Variants in CCDC7 observed in about 807,000 individuals in gnomAD.
The protein encoded by CCDC7 is coiled-coil domain-containing protein 7.
Under a neutral mutation model 196.9 loss-of-function variants are expected in CCDC7, and 183 were observed. The ratio of observed to expected loss-of-function variants is 0.93; its 90% CI spans 0.82 to 1.05. The LOEUF (loss-of-function observed/expected upper bound fraction) is 1.05, where lower values mean the gene tolerates loss of function less well. CCDC7 is among the 50% of genes least tolerant of loss of function. The pLI, the probability that CCDC7 is intolerant of heterozygous loss-of-function variation, is 0.00. For synonymous variants in CCDC7, 525 were observed against 484.6 expected, an observed-to-expected ratio of 1.08 and a Z score of -1.10; for missense variants, 1,540 against 1,482.2, an observed-to-expected ratio of 1.04 and a Z score of -0.64.
intron 22 of CCDC7, among the ~76,000 whole-genome samples, chr10:32,882,445 G>C (rs899792111): frequency 6.6e-6 from 1 of 152,164 alleles, no homozygotes; most frequent in African/African-American, 2.4e-5. Flanking sequence ...GAGAAGCCTA[G>C]CTAAAGTTTG....
At chr10:32,835,580 G>A (rs1365145742) in intron 33 of CCDC7, among the ~76,000 whole-genome samples, 1 of 152,062 alleles carries the variant, frequency 6.6e-6, no homozygotes, top group Non-Finnish European at 1.5e-5. Flanking sequence ...AACTAACACA[G>A]GAATAGTAAA....
chr10:32,804,872 C>G, intron 29 of CCDC7, 143 bp from the exon 31 acceptor site: 1 of 584,292 alleles, frequency 1.7e-6, no homozygotes, highest in Non-Finnish European at 3.1e-6. Context: ...AGTGATTTGG[C>G]AATTCAGACA....
intron 11 of CCDC7, among the ~76,000 whole-genome samples, chr10:32,528,377 C>G (rs1037615800): frequency 6.6e-6 from 1 of 151,630 alleles, no homozygotes; most frequent in African/African-American, 2.4e-5. Flanking sequence ...GTACACTGTA[C>G]CCAATGTATA....
At chr10:32,721,127 C>T (rs1458654400) in intron 25 of CCDC7, among the ~76,000 whole-genome samples, 2 of 151,984 alleles carry the variant, frequency 1.3e-5, no homozygotes, top group Non-Finnish European at 2.9e-5. Flanking sequence ...ATACTGTGAA[C>T]TAATATGTAA....
intron 28 of CCDC7, among the ~76,000 whole-genome samples, chr10:32,771,592 C>T (rs950708878): frequency 6.6e-6 from 1 of 152,302 alleles, no homozygotes; most frequent in Admixed American, 6.5e-5. Flanking sequence ...TGCCACATTC[C>T]AGGCTGCTGA....
At chr10:32,845,786 CACACACACAT>C in intron 35 of CCDC7, 80 bp from the exon 37 acceptor site, 6 of 1,125,672 alleles carry the variant, frequency 5.3e-6, no homozygotes, top group South Asian at 1.3e-5. Context: ...CACACACACA[CACACACACAT>C]ACACACACAC....
intron 11 of CCDC7, among the ~76,000 whole-genome samples, chr10:32,539,650 G>A (rs11816298): frequency 0.053 from 8,059 of 152,084 alleles, 709 homozygotes; most frequent in African/African-American, 0.18. Flanking sequence ...TGGGCATTTA[G>A]TGTTATAAAC....
chr10:32,626,805 A>G (rs1449162960), intron 18 of CCDC7, among the ~76,000 whole-genome samples: 1 of 151,990 alleles, frequency 6.6e-6, no homozygotes, highest in Non-Finnish European at 1.5e-5. Flanking sequence ...TTCATTGAAG[A>G]CTATCCTTTC....
intron 32 of CCDC7, among the ~76,000 whole-genome samples, chr10:32,828,529 A>AAGAAGG (rs2091703455): frequency 6.6e-6 from 1 of 150,534 alleles, no homozygotes; most frequent in Admixed American, 6.6e-5. Context: ...GAAGAAGAAG[A>AAGAAGG]AGAAGAAGAA....
intron 20 of CCDC7, among the ~76,000 whole-genome samples, chr10:32,650,506 G>C (rs2068556036): frequency 6.6e-6 from 1 of 152,210 alleles, no homozygotes; most frequent in African/African-American, 2.4e-5. Context: ...TGTGGTGATG[G>C]TGGTTAGATC....
At chr10:32,559,422 C>T (rs941242713) in intron 13 of CCDC7, among the ~76,000 whole-genome samples, 11 of 152,342 alleles carry the variant, frequency 7.2e-5, no homozygotes, top group East Asian at 3.9e-4. Flanking sequence ...GGAGGCACCC[C>T]CCAGTAGGGG....
chr10:32,724,144 A>T (rs1307528812), intron 25 of CCDC7, among the ~76,000 whole-genome samples: 1 of 151,992 alleles, frequency 6.6e-6, no homozygotes, highest in Non-Finnish European at 1.5e-5. Context: ...CCCCAAAAGC[A>T]CTCCCAGGGC....
chr10:32,542,633 C>CAAAAA (rs11375465), intron 11 of CCDC7, among the ~76,000 whole-genome samples: 34 of 87,794 alleles, frequency 3.9e-4, no homozygotes, highest in African/African-American at 9.5e-4. Context: ...ACTCCCATCT[C>CAAAAA]AAAAAAAAAA....
At position 32,476,753 on chromosome 10, in the gene CCDC7, C is replaced by G. The variant is rs961812448; in HGVS notation, c.796+2730C>G. On this transcript the variant is annotated intron_variant, in intron 8 of 41. Transcript: ENST00000639629. ...GACAGTGTTTGGGCTTTTAGCCATTCTAATAGTTGTGTAGTGATTTTTCAT... is the reference window on the plus strand; with the variant it reads ...GACAGTGTTTGGGCTTTTAGCCATTGTAATAGTTGTGTAGTGATTTTTCAT... 7.2e-5 allele frequency among the ~76,000 whole-genome samples: 11 copies of G among 152,290 alleles called. No individual in the cohort carries two copies. In the East Asian group the frequency reaches 2.1e-3, roughly 29 times the overall value.
intron 18 of CCDC7, among the ~76,000 whole-genome samples, chr10:32,622,856 A>G (rs938212043): frequency 2.6e-5 from 4 of 152,268 alleles, no homozygotes; most frequent in Middle Eastern, 3.4e-3. Flanking sequence ...TTCTATGATA[A>G]TAAGTTTAAA....
chr10:32,751,636 A>T (rs1481939145), intron 28 of CCDC7, among the ~76,000 whole-genome samples: 1 of 152,186 alleles, frequency 6.6e-6, no homozygotes, highest in Non-Finnish European at 1.5e-5. Flanking sequence ...TATCCTGTAA[A>T]TCAAGACTGT....
chr10:32,855,189 T>A (rs1432510885), intron 41 of CCDC7, among the ~76,000 whole-genome samples: 1 of 146,828 alleles, frequency 6.8e-6, no homozygotes, highest in Non-Finnish European at 1.5e-5. Context: ...ATACTTTTTT[T>A]ACAGAAAAAT....
chr10:32,522,399 G>C (rs2048009765), intron 11 of CCDC7, among the ~76,000 whole-genome samples: 1 of 152,032 alleles, frequency 6.6e-6, no homozygotes, highest in African/African-American at 2.4e-5. Context: ...TTCAATTTTG[G>C]TAGGTTATAT....
At chr10:32,872,152 G>A (rs2136848431) in intron 41 of CCDC7, among the ~76,000 whole-genome samples, 1 of 152,150 alleles carries the variant, frequency 6.6e-6, no homozygotes, top group East Asian at 1.9e-4. Flanking sequence ...TTGAAGACCT[G>A]GATATCCTTG....
Sources: gnomAD v4.1 joint callset for allele counts (sites outside exome capture counted in the v4.1 genomes callset) on GRCh38, gnomAD v4.1.1 for gene constraint, MANE v1.5 for transcripts, NCBI Gene and HGNC (gene_info 2026-07-23, HGNC 2026-07-21) for gene names.